The following HYDIN variants were observed in gnomAD, a reference collection of about 807,000 sequenced individuals.
HYDIN encodes HYDIN axonemal central pair apparatus protein.
A neutral mutation model predicts 403.9 loss-of-function variants in HYDIN; 132 were observed. The ratio of observed to expected loss-of-function variants is 0.33; its 90% confidence interval spans 0.28 to 0.38. HYDIN has a LOEUF of 0.38. HYDIN is among the 10% of genes least tolerant of loss of function. The pLI, the probability that HYDIN is intolerant of heterozygous loss-of-function variation, is 1.00. For missense variants in HYDIN, 2,827 were observed against 5,009.5 expected (o/e 0.56, Z 13.15); for synonymous variants, 1,202 against 1,891.7 (o/e 0.64, Z 9.46).
intron 47 of HYDIN, among the ~76,000 whole-genome samples, chr16:70,915,384 C>T (rs1408287416): frequency 6.6e-6 from 1 of 151,822 alleles, no homozygotes; most frequent in East Asian, 1.9e-4. Context: ...TTCCTGAGAG[C>T]CGAGCTGTGC....
At chr16:71,102,292 C>T (rs1162602490) in intron 10 of HYDIN, among the ~76,000 whole-genome samples, 2 of 151,982 alleles carry the variant, frequency 1.3e-5, no homozygotes, top group African/African-American at 4.8e-5. Context: ...GTTTATCTTA[C>T]TATTATTCCT....
At chr16:70,945,341 A>T (rs113412181) in intron 41 of HYDIN, among the ~76,000 whole-genome samples, 20 of 152,346 alleles carry the variant, frequency 1.3e-4, no homozygotes, top group South Asian at 4.1e-4. Flanking sequence ...GAAAGGAAAG[A>T]CTGGGAGAAG....
intron 23 of HYDIN, among the ~76,000 whole-genome samples, chr16:70,999,156 C>T (rs1261371434): frequency 6.6e-6 from 1 of 151,932 alleles, no homozygotes; most frequent in Non-Finnish European, 1.5e-5. Flanking sequence ...GCCTCTAGAA[C>T]AGTGGTTCTC....
At chr16:71,160,866 C>G (rs2144600402) in intron 6 of HYDIN, among the ~76,000 whole-genome samples, 1 of 36,990 alleles carries the variant, frequency 2.7e-5, no homozygotes, top group South Asian at 8.5e-4. Flanking sequence ...TCTTTCCCAT[C>G]TTATAAGAGA....
intron 21 of HYDIN, among the ~76,000 whole-genome samples, chr16:71,021,578 A>G: frequency 6.6e-6 from 1 of 152,122 alleles, no homozygotes; most frequent in African/African-American, 2.4e-5. Context: ...GTTTCTGGCC[A>G]GACTGGATTT....
intron 18 of HYDIN, among the ~76,000 whole-genome samples, chr16:71,038,621 G>A (rs2081178491): frequency 6.6e-6 from 1 of 152,152 alleles, no homozygotes; most frequent in Non-Finnish European, 1.5e-5. Context: ...GCACTATGTG[G>A]AACAAGAACA....
At chr16:71,150,385 G>C (rs914855642) in intron 7 of HYDIN, among the ~76,000 whole-genome samples, 19 of 150,160 alleles carry the variant, frequency 1.3e-4, no homozygotes, top group South Asian at 6.3e-4. Context: ...CAGAGGAAAA[G>C]AAATGGAAAA....
chr16:70,842,774 T>C (rs2037915406), intron 75 of HYDIN, among the ~76,000 whole-genome samples: 1 of 152,074 alleles, frequency 6.6e-6, no homozygotes, highest in East Asian at 1.9e-4. Flanking sequence ...TTGCTTTCTA[T>C]ATATCATGTC....
Position 71,160,237 on chromosome 16 carries a change from T to C in HYDIN, c.716+2294A>G, listed in dbSNP as rs374224720. Among the ~76,000 whole-genome samples the C allele has an allele frequency of 1.8e-3, 260 of 147,332 alleles. 2 individuals are homozygous for C. The highest frequency in any genetic ancestry group is 6.4e-3 in the African/African-American group (247 of 38,870). On this transcript the variant is annotated intron_variant, in intron 6 of 85. Transcript: ENST00000393567. ...AAGAGGAACCTAAGAACCACAGCAG[T>C]AAGCCACTGAGCTAATGATAGGTCT...
chr16:71,090,697 G>T (rs1158968303), intron 11 of HYDIN, among the ~76,000 whole-genome samples: 1 of 151,908 alleles, frequency 6.6e-6, no homozygotes, highest in Non-Finnish European at 1.5e-5. Context: ...TAGAGATGGG[G>T]TCTTTCTGTA....
At chr16:70,937,035 G>A (rs1189123268) in intron 44 of HYDIN, among the ~76,000 whole-genome samples, 1 of 151,936 alleles carries the variant, frequency 6.6e-6, no homozygotes, top group East Asian at 1.9e-4. Context: ...TCTGAAAATA[G>A]TTAACCCAGC....
At chr16:71,001,909 A>G (rs1434974675) in intron 23 of HYDIN, among the ~76,000 whole-genome samples, 1 of 152,250 alleles carries the variant, frequency 6.6e-6, no homozygotes. Context: ...GTGGGTATGT[A>G]ATGGTGTCTA....
intron 41 of HYDIN, among the ~76,000 whole-genome samples, chr16:70,945,084 G>A (rs546770489): frequency 3.9e-5 from 6 of 152,278 alleles, no homozygotes; most frequent in South Asian, 4.1e-4. Context: ...CACCCTACTC[G>A]TCACATGAGG....
chr16:71,069,943 A>G (rs904280790), intron 13 of HYDIN, among the ~76,000 whole-genome samples: 38 of 152,350 alleles, frequency 2.5e-4, no homozygotes, highest in Middle Eastern at 6.8e-3. Context: ...TGAAAGAAAA[A>G]GCCTGCATGG....
chr16:71,171,931 G>A (rs2144630007), intron 5 of HYDIN, among the ~76,000 whole-genome samples: 1 of 152,248 alleles, frequency 6.6e-6, no homozygotes, highest in Non-Finnish European at 1.5e-5. Flanking sequence ...CCAGGTACTG[G>A]GGCTACAGGG....
Position 70,809,469 on chromosome 16 carries a change from T to C in HYDIN, c.14883+314A>G, listed in dbSNP as rs141359696. On this transcript the variant is annotated intron_variant, in intron 85 of 85. Coordinates refer to ENST00000393567, the MANE Select transcript of HYDIN (RefSeq NM_001270974.2). The stretch of plus-strand genomic sequence containing the variant: ...CATGTCTGTTTGATTCCACAGCCGA[T>C]ACCATGACTACTAAGCTATACTGTC... Among the ~76,000 whole-genome samples the C allele has an allele frequency of 7.9e-4, 121 of 152,310 alleles. 2 individuals carry two copies. The East Asian group carries it at 0.021, about 26-fold the overall frequency.
intron 80 of HYDIN, 39 bp from the exon 81 acceptor site, chr16:70,829,869 C>G (rs1343176926): frequency 1.9e-6 from 3 of 1,582,838 alleles, no homozygotes; most frequent in Non-Finnish European, 2.6e-6. Flanking sequence ...ATGGCACTTC[C>G]CCCTGGTCCG....
intron 5 of HYDIN, among the ~76,000 whole-genome samples, chr16:71,170,833 A>G (rs2086432604): frequency 6.6e-6 from 1 of 152,176 alleles, no homozygotes; most frequent in Non-Finnish European, 1.5e-5. Context: ...TACATGCTGT[A>G]TGGGACTTGC....
At chr16:70,985,437 G>T (rs1474885827) in intron 27 of HYDIN, 115 bp from the exon 28 acceptor site, 2 of 1,104,802 alleles carry the variant, frequency 1.8e-6, no homozygotes, top group African/African-American at 3.1e-5. Context: ...ATAAATACTG[G>T]TCAATCTACA....
Sources: allele counts gnomAD v4.1 joint callset (sites outside exome capture counted in the v4.1 genomes callset), GRCh38; gene constraint gnomAD v4.1.1; transcripts MANE v1.5; gene names NCBI Gene and HGNC (gene_info 2026-07-23, HGNC 2026-07-21).